The following UNC79 variants were observed in gnomAD, a reference collection of about 807,000 sequenced individuals.
The protein encoded by UNC79 is unc-79 subunit of NALCN channel complex.
Under a neutral mutation model 283.1 loss-of-function variants are expected in UNC79, and 37 were observed. The ratio of observed to expected loss-of-function variants is 0.13; its 90% CI spans 0.10 to 0.17. UNC79 has a LOEUF of 0.17. UNC79 is among the 10% of genes least tolerant of loss of function. The pLI is 1.00. For missense variants in UNC79, 2,272 were observed against 3,211.1 expected (o/e 0.71, Z 7.07); for synonymous variants, 1,107 against 1,200.2 (o/e 0.92, Z 1.61).
chr14:93,649,799 A>T (rs575645227), intron 35 of UNC79, among the ~76,000 whole-genome samples: 3 of 152,168 alleles, frequency 2.0e-5, no homozygotes, highest in African/African-American at 7.2e-5. Flanking sequence ...TACTCACCAT[A>T]TTGTACATTG....
intron 34 of UNC79, among the ~76,000 whole-genome samples, chr14:93,644,811 C>A (rs1156963734): frequency 2.0e-5 from 3 of 152,190 alleles, no homozygotes; most frequent in Non-Finnish European, 4.4e-5. Flanking sequence ...AAGTGTATGG[C>A]TTTCTTATCC....
chr14:93,374,917 A>G (rs1031568756), intron 1 of UNC79, among the ~76,000 whole-genome samples: 1 of 152,048 alleles, frequency 6.6e-6, no homozygotes. Context: ...TGGACTTTGG[A>G]GTTTTGAGTT....
At chr14:93,360,405 T>A (rs1459438186) in intron 1 of UNC79, among the ~76,000 whole-genome samples, 1 of 152,230 alleles carries the variant, frequency 6.6e-6, no homozygotes, top group African/African-American at 2.4e-5. Flanking sequence ...AGAAGACAGA[T>A]GGATCTTGGA....
chr14:93,359,575 C>G (rs2054176603), intron 1 of UNC79, among the ~76,000 whole-genome samples: 1 of 152,182 alleles, frequency 6.6e-6, no homozygotes, highest in South Asian at 2.1e-4. Context: ...AGAGGCAAAG[C>G]AACAATTAGA....
At chr14:93,703,372 C>T (rs908915769) in intron 47 of UNC79, among the ~76,000 whole-genome samples, 1 of 152,194 alleles carries the variant, frequency 6.6e-6, no homozygotes, top group African/African-American at 2.4e-5. Context: ...GAATTTGTTC[C>T]AGACCTGTCT....
At chr14:93,505,819 C>A (rs938371737) in intron 7 of UNC79, among the ~76,000 whole-genome samples, 2 of 150,964 alleles carry the variant, frequency 1.3e-5, no homozygotes, top group African/African-American at 4.9e-5. Context: ...CTCTACTATT[C>A]TTTCAATCAT....
At chr14:93,672,829 G>A (rs140672131) in intron 40 of UNC79, among the ~76,000 whole-genome samples, 3,834 of 152,042 alleles carry the variant, frequency 0.025, 81 homozygotes, top group Non-Finnish European at 0.035. Context: ...AAAGAAGCTA[G>A]GATTCCAAAA....
chr14:93,648,641 C>T (rs932857025), intron 35 of UNC79, among the ~76,000 whole-genome samples: 12 of 151,874 alleles, frequency 7.9e-5, no homozygotes, highest in African/African-American at 2.4e-4. Context: ...GTGGGTGTAA[C>T]GGGTGGTCCC....
rs186086040 is a variant in UNC79 at position 93,671,939 on chromosome 14, A to C, written c.6637-1412A>C. On this transcript the variant is annotated intron_variant, in intron 40 of 48. Transcript: ENST00000555664. ...AACAGGCATATGAAAAAAAATGCTC[A>C]ATATCTCTAATCATCAGGGAAATGC... Among the ~76,000 whole-genome samples the C allele has an allele frequency of 3.9e-5, 6 of 152,320 alleles. No individual in the cohort carries two copies. The East Asian group carries it at 1.2e-3, about 29-fold the overall frequency.
intron 23 of UNC79, among the ~76,000 whole-genome samples, chr14:93,596,054 C>T (rs927991900): frequency 7.9e-5 from 12 of 152,116 alleles, no homozygotes; most frequent in African/African-American, 2.2e-4. Context: ...AGGAGGCTTC[C>T]GGTTTAATTG....
At chr14:93,618,239 T>C (rs1350626150) in exon 29 of UNC79, 1 of 1,613,776 alleles carries the variant, frequency 6.2e-7, no homozygotes, top group Non-Finnish European at 8.5e-7. Flanking sequence ...TGCATCTGAT[T>C]CACATAACAG....
chr14:93,643,537 T>G lies in UNC79; in HGVS notation c.5904-20T>G. 1 of 1,613,724 alleles carries G rather than the reference T, an allele frequency of 6.2e-7. No homozygotes were observed. Among genetic ancestry groups the G allele is most frequent in the Non-Finnish European group, 8.5e-7 (1 of 1,180,028 alleles). On this transcript the variant is annotated intron_variant, in intron 33 of 48. Coordinates refer to ENST00000555664, the Ensembl canonical transcript of UNC79. The stretch of plus-strand genomic sequence containing the variant: ...ATGGTTCTTTCTTTCATGGAAAGCA[T>G]GTCTCTCTTTTCTTTGCAGATGCCA...
At chr14:93,375,412 T>C (rs1011481947) in intron 1 of UNC79, among the ~76,000 whole-genome samples, 24 of 152,144 alleles carry the variant, frequency 1.6e-4, no homozygotes, top group African/African-American at 5.6e-4. Flanking sequence ...GATTGAGTCA[T>C]TGGGCTTCTG....
chr14:93,529,369 C>T, intron 10 of UNC79, 43 bp downstream of exon 10: 3 of 1,599,304 alleles, frequency 1.9e-6, no homozygotes, highest in Middle Eastern at 3.4e-4. Context: ...GTAATCATGA[C>T]TAATGACATA....
chr14:93,618,685 G>T (rs1205785566), intron 29 of UNC79, among the ~76,000 whole-genome samples: 11 of 152,152 alleles, frequency 7.2e-5, no homozygotes, highest in Admixed American at 6.5e-4. Flanking sequence ...GTCTTGGTTG[G>T]CACACAGTGG....
intron 14 of UNC79, among the ~76,000 whole-genome samples, chr14:93,557,013 T>C (rs1459339355): frequency 1.3e-5 from 2 of 152,036 alleles, no homozygotes; most frequent in Non-Finnish European, 2.9e-5. Context: ...GAATTCAAGG[T>C]GAGTGGCAGA....
chr14:93,521,107 A>G (rs1318701531), intron 7 of UNC79, among the ~76,000 whole-genome samples: 1 of 152,020 alleles, frequency 6.6e-6, no homozygotes, highest in Non-Finnish European at 1.5e-5. Flanking sequence ...TTTTGTTAGA[A>G]TGAGCCTAGA....
At chr14:93,582,247 A>G (rs1381323543) in exon 20 of UNC79, 1 of 1,614,150 alleles carries the variant, frequency 6.2e-7, no homozygotes, top group East Asian at 2.2e-5. Flanking sequence ...CTTCCAGACC[A>G]GAGTTTATCA....
intron 1 of UNC79, among the ~76,000 whole-genome samples, chr14:93,425,204 A>G (rs2055697584): frequency 6.6e-6 from 1 of 152,154 alleles, no homozygotes; most frequent in Non-Finnish European, 1.5e-5. Context: ...TCACATGGTG[A>G]CAGGAAGGAG....
Sources: gnomAD v4.1 joint callset for allele counts (sites outside exome capture counted in the v4.1 genomes callset) on GRCh38, gnomAD v4.1.1 for gene constraint, MANE v1.5 for transcripts, NCBI Gene and HGNC (gene_info 2026-07-23, HGNC 2026-07-21) for gene names.